CNGB3: variants seen among roughly 807,000 people sequenced by gnomAD.
CNGB3 encodes cyclic nucleotide-gated channel beta-3.
In CNGB3, 86 loss-of-function variants were observed where a neutral mutation model predicts 92.8. The observed-to-expected ratio is 0.93, with a 90% confidence interval of 0.78 to 1.11. The LOEUF is 1.11. CNGB3 is among the 50% of genes least tolerant of loss of function. CNGB3 has a pLI of 0.00. For missense variants in CNGB3, 1,026 were observed against 956.8 expected (o/e 1.07, Z -0.95); for synonymous variants, 333 against 332.7 (o/e 1.00, Z -0.01).
intron 6 of CNGB3, among the ~76,000 whole-genome samples, chr8:86,666,366 C>T (rs1823739011): frequency 6.6e-6 from 1 of 152,196 alleles, no homozygotes; most frequent in East Asian, 1.9e-4. Context: ...TTGTCAAATT[C>T]TGAAACACTT....
intron 3 of CNGB3, among the ~76,000 whole-genome samples, chr8:86,693,653 G>C (rs1042334476): frequency 2.0e-5 from 3 of 150,768 alleles, no homozygotes; most frequent in East Asian, 2.0e-4. Context: ...GACTCTTAAC[G>C]AGCATGCTGC....
chr8:86,658,972 C>T lies in CNGB3; in HGVS notation c.853-4910G>A, dbSNP rs186650615. The T allele has an allele frequency of 4.8e-5, 53 of 1,101,240 alleles. No homozygotes were observed. In the African/African-American group the frequency reaches 7.1e-4, roughly 15 times the overall value. The allele number at this position is 1,101,240 out of a possible 1,614,324, so 68.2% of individuals were successfully genotyped here. On this transcript the variant is annotated intron_variant, in intron 6 of 17. Coordinates refer to ENST00000320005, the MANE Select transcript of CNGB3 (RefSeq NM_019098.5). The stretch of plus-strand genomic sequence containing the variant: ...AGACTCAAGCCCTCATTGTCTTGCA[C>T]CTGGGCTTGGAGCTGTCCTGCCAGA...
At chr8:86,581,034 G>T (rs1585944697) in intron 15 of CNGB3, among the ~76,000 whole-genome samples, 1 of 113,226 alleles carries the variant, frequency 8.8e-6, no homozygotes, top group Non-Finnish European at 2.1e-5. Context: ...ATTCCAGTTG[G>T]CTGTTAATTG....
intron 13 of CNGB3, among the ~76,000 whole-genome samples, chr8:86,613,272 C>T (rs1822554726): frequency 6.6e-6 from 1 of 152,096 alleles, no homozygotes; most frequent in Admixed American, 6.5e-5. Context: ...ACCATATTTG[C>T]TAAAGCAAAT....
chr8:86,654,030 C>T lies in CNGB3; in HGVS notation c.885G>A (p.Arg295=). 1 of 1,602,762 alleles carries T rather than the reference C, an allele frequency of 6.2e-7. No homozygotes were observed. The highest frequency in any genetic ancestry group is 8.5e-7 in the Non-Finnish European group (1 of 1,169,914). ...CACCTACCTGAAATTTTGTAGAAGT[C>T]CTGTAGTGTTTCCTTAGCTCATTTG... ...VDSNELRKHY[R]TSTKFQLDVA... is the part of the protein sequence containing the mutation. The change falls in exon 7 of 18, where the codon AGG becomes AGA. Residue 295 remains arginine (R), a synonymous_variant. Coordinates refer to ENST00000320005, the MANE Select transcript of CNGB3 (RefSeq NM_019098.5).
At chr8:86,731,032 G>A (rs1239345220) in intron 2 of CNGB3, among the ~76,000 whole-genome samples, 3 of 152,172 alleles carry the variant, frequency 2.0e-5, no homozygotes, top group Non-Finnish European at 2.9e-5. Flanking sequence ...GGCTCTTTTA[G>A]TAAAGTATTT....
At chr8:86,632,076 G>A (rs1220863374) in intron 11 of CNGB3, among the ~76,000 whole-genome samples, 1 of 151,768 alleles carries the variant, frequency 6.6e-6, no homozygotes, top group Non-Finnish European at 1.5e-5. Flanking sequence ...GGGTGCAACT[G>A]TAGTTGCAGC....
Position 86,674,493 on chromosome 8 carries a change from T to C in CNGB3, c.339-3395A>G, listed in dbSNP as rs61222650. 7.4e-3 allele frequency among the ~76,000 whole-genome samples: 1,132 copies of C among 152,288 alleles called. 14 individuals carry two copies. Among genetic ancestry groups the C allele is most frequent in the Middle Eastern group, 0.037 (11 of 294 alleles). On this transcript the variant is annotated intron_variant, in intron 3 of 17. Coordinates refer to ENST00000320005, the MANE Select transcript of CNGB3 (RefSeq NM_019098.5). ...CCATTCTCCTCTGCCTATATACATA[T>C]GGAAGCCATGAATGTATTTTTCTTT...
At chr8:86,712,092 A>G (rs1824761622) in intron 3 of CNGB3, among the ~76,000 whole-genome samples, 2 of 151,944 alleles carry the variant, frequency 1.3e-5, no homozygotes, top group South Asian at 4.1e-4. Context: ...GTAGTAACGG[A>G]TGAAAGATAT....
At chr8:86,628,268 A>G (rs1312637332) in intron 12 of CNGB3, among the ~76,000 whole-genome samples, 1 of 152,114 alleles carries the variant, frequency 6.6e-6, no homozygotes, top group Non-Finnish European at 1.5e-5. Flanking sequence ...TCTAGTAGAG[A>G]TGGAGTTTTG....
chr8:86,661,606 C>T, intron 6 of CNGB3: 1 of 787,718 alleles, frequency 1.3e-6, no homozygotes. Flanking sequence ...CCAACTTTTT[C>T]CCACTAATAA....
chr8:86,611,752 A>G lies in CNGB3; in HGVS notation c.1579-81T>C, dbSNP rs114087363. 3.0e-3 allele frequency: 2,931 copies of G among 988,406 alleles called. 60 individuals carry two copies. In the African/African-American group the frequency reaches 0.041, roughly 14 times the overall value. The allele number at this position is 988,406 out of a possible 1,614,324, so 61.2% of individuals were successfully genotyped here. On this transcript the variant is annotated intron_variant, in intron 13 of 17. Coordinates refer to ENST00000320005, the MANE Select transcript of CNGB3 (RefSeq NM_019098.5). The stretch of plus-strand genomic sequence containing the variant: ...TGAATTCAAAACTCAATGAAAATAA[A>G]CAGTAATATATATTGTCTGCATTAG...
intron 2 of CNGB3, among the ~76,000 whole-genome samples, chr8:86,729,807 A>G (rs1037214426): frequency 6.6e-6 from 1 of 152,246 alleles, no homozygotes; most frequent in African/African-American, 2.4e-5. Context: ...TTGCTCTGGC[A>G]TCTGGGTGAA....
intron 15 of CNGB3, among the ~76,000 whole-genome samples, chr8:86,580,750 A>G (rs745815421): frequency 6.6e-6 from 1 of 152,238 alleles, no homozygotes; most frequent in Non-Finnish European, 1.5e-5. Context: ...GTTTGTAAAA[A>G]CAGAACAAGA....
intron 15 of CNGB3, among the ~76,000 whole-genome samples, chr8:86,591,759 C>T (rs796925291): frequency 6.6e-6 from 1 of 152,160 alleles, no homozygotes; most frequent in Non-Finnish European, 1.5e-5. Context: ...CAGACAGGGA[C>T]ATTTAAGTCT....
rs1821629932 is a variant in CNGB3, at chr8:86,574,878, G to T, written c.*926C>A. On this transcript the variant is annotated 3_prime_UTR_variant, in exon 18 of 18. Coordinates refer to ENST00000320005, the MANE Select transcript of CNGB3 (RefSeq NM_019098.5). ...ACATGTAGGTTCCGGAAATTGTGGG[G>T]ATATGTCAATCTGACATGTGTAGAG... is the stretch of plus-strand genomic sequence containing the variant. 6.6e-6 allele frequency: 1 copy of T among 151,020 alleles called. No individual in the cohort carries two copies. Among genetic ancestry groups the T allele is most frequent in the African/African-American group, 2.4e-5 (1 of 41,114 alleles). 9.4% of individuals were successfully genotyped at this position (151,020 alleles called of 1,614,324 possible). A position where few individuals can be genotyped will look rare whatever the true frequency, so the allele number is the denominator to read the frequency against.
intron 10 of CNGB3, among the ~76,000 whole-genome samples, chr8:86,635,824 AT>A (rs1823053763): frequency 3.7e-5 from 1 of 26,790 alleles, no homozygotes; most frequent in Admixed American, 4.8e-4. Context: ...AACACATGAT[AT>A]ATATATATAT....
At chr8:86,720,598 A>G (rs1824947057) in intron 3 of CNGB3, among the ~76,000 whole-genome samples, 1 of 152,112 alleles carries the variant, frequency 6.6e-6, no homozygotes, top group Non-Finnish European at 1.5e-5. Flanking sequence ...GAGATTCCTT[A>G]AAGAAGTAAA....
chr8:86,697,136 T>A (rs1232260689), intron 3 of CNGB3, among the ~76,000 whole-genome samples: 1 of 152,118 alleles, frequency 6.6e-6, no homozygotes, highest in Non-Finnish European at 1.5e-5. Context: ...TGATAACATA[T>A]TTTGGGTGGA....
Sources: gnomAD v4.1 joint callset for allele counts (sites outside exome capture counted in the v4.1 genomes callset) on GRCh38, gnomAD v4.1.1 for gene constraint, MANE v1.5 for transcripts, NCBI Gene and HGNC (gene_info 2026-07-23, HGNC 2026-07-21) for gene names.